SAV1: variants seen among roughly 807,000 people sequenced by gnomAD.
SAV1 encodes the protein protein salvador homolog 1.
A neutral mutation model predicts 47.3 loss-of-function variants in SAV1; 23 were observed. That is an observed-to-expected ratio of 0.49 (90% CI 0.35 to 0.69). The LOEUF is 0.69. Among genes scored for constraint, SAV1 ranks in the 30% least tolerant of loss-of-function variants. The probability of loss-of-function intolerance (pLI) is 0.01; values close to 1 mark genes in which losing one functional copy is unlikely to be tolerated. For synonymous variants in SAV1, 155 were observed against 159.2 expected (o/e 0.97, Z 0.20); for missense variants, 448 against 457.4 (o/e 0.98, Z 0.19).
At chr14:50,640,316 C>T (rs1164101763) in intron 4 of SAV1, among the ~76,000 whole-genome samples, 6 of 152,092 alleles carry the variant, frequency 3.9e-5, no homozygotes, top group Admixed American at 1.3e-4. Context: ...ATGGGGCTCT[C>T]GTTATGTTGC....
In SAV1 at chr14:50,666,350, T is replaced by C. The variant is rs368681904; in HGVS notation, c.95-731A>G. The stretch of plus-strand genomic sequence containing the variant: ...AACAGCTTTTAGGATACAGTACTTT[T>C]AAACACGAAACTTGAAAACAGCTTA... On this transcript the variant is annotated intron_variant, in intron 1 of 4. Transcript: ENST00000324679. 7.2e-5 allele frequency among the ~76,000 whole-genome samples: 11 copies of C among 152,336 alleles called. No homozygotes were observed. The South Asian group carries it at 2.1e-3, about 29-fold the overall frequency.
chr14:50,644,590 T>C (rs1389752493), intron 3 of SAV1, among the ~76,000 whole-genome samples, 154 bp downstream of exon 3: 1 of 152,164 alleles, frequency 6.6e-6, no homozygotes, highest in African/African-American at 2.4e-5. Context: ...CATTTATTAC[T>C]AAATGTATGT....
chr14:50,664,131 A>T (rs1286350120), intron 2 of SAV1: 3 of 152,192 alleles, frequency 2.0e-5, no homozygotes, highest in South Asian at 2.1e-4. Flanking sequence ...ATCACAAAGT[A>T]TAACAATTTT....
At position 50,634,507 on chromosome 14, in the gene SAV1, C is replaced by G. The variant is rs1316370174; in HGVS notation, c.*676G>C. 6.0e-6 allele frequency: 1 copy of G among 166,848 alleles called. No individual in the cohort carries two copies. The highest frequency in any genetic ancestry group is 1.7e-4 in the East Asian group (1 of 5,820). 10.3% of individuals were successfully genotyped at this position (166,848 alleles called of 1,614,324 possible). On this transcript the variant is annotated 3_prime_UTR_variant, in exon 5 of 5. Coordinates refer to ENST00000324679, the MANE Select transcript of SAV1 (RefSeq NM_021818.4). ...GGGACTAGAGGCACACACCATCATA[C>G]CCGGCTAATTTTTTTGTATTTTTTG...
At chr14:50,635,968 A>G (rs1206328950) in intron 4 of SAV1, among the ~76,000 whole-genome samples, 1 of 152,094 alleles carries the variant, frequency 6.6e-6, no homozygotes, top group East Asian at 1.9e-4. Context: ...CAGCCTCCCA[A>G]AGTGCTGGGA....
intron 2 of SAV1, among the ~76,000 whole-genome samples, chr14:50,661,160 TG>T (rs1331844135): frequency 6.6e-6 from 1 of 152,264 alleles, no homozygotes; most frequent in Non-Finnish European, 1.5e-5. Flanking sequence ...CCATTCTGAC[TG>T]GGGTAAGACA....
At chr14:50,656,562 C>A (rs574631678) in intron 2 of SAV1, among the ~76,000 whole-genome samples, 1 of 151,856 alleles carries the variant, frequency 6.6e-6, no homozygotes, top group South Asian at 2.1e-4. Context: ...CCTGCCTCAG[C>A]CTCCTGAGTA....
chr14:50,650,953 T>TG (rs1464188814), intron 2 of SAV1, among the ~76,000 whole-genome samples: 1 of 150,896 alleles, frequency 6.6e-6, no homozygotes, highest in East Asian at 1.9e-4. Flanking sequence ...ACCTGGGAGA[T>TG]GGAGGATGCA....
intron 2 of SAV1, among the ~76,000 whole-genome samples, chr14:50,655,082 T>C (rs1171529953): frequency 6.6e-6 from 1 of 152,120 alleles, no homozygotes. Flanking sequence ...TAAACTGCAA[T>C]TGAAAGTTTA....
At chr14:50,648,880 C>A (rs2039744683) in intron 2 of SAV1, among the ~76,000 whole-genome samples, 1 of 152,160 alleles carries the variant, frequency 6.6e-6, no homozygotes, top group Non-Finnish European at 1.5e-5. Context: ...GTTGGTGATA[C>A]TGGCTGAGCT....
At chr14:50,653,228 T>TA (rs1566744701) in intron 2 of SAV1, among the ~76,000 whole-genome samples, 2 of 151,936 alleles carry the variant, frequency 1.3e-5, no homozygotes, top group African/African-American at 4.8e-5. Context: ...TAAACATTAA[T>TA]AAAAAAATGA....
chr14:50,664,714 G>A (rs2039886294), intron 2 of SAV1: 1 of 152,606 alleles, frequency 6.6e-6, no homozygotes, highest in East Asian at 1.9e-4. Flanking sequence ...AAAAGGGCAG[G>A]ATCTAGCGAA....
chr14:50,635,845 G>A (rs1353074966), intron 4 of SAV1, among the ~76,000 whole-genome samples: 2 of 152,072 alleles, frequency 1.3e-5, no homozygotes, highest in Non-Finnish European at 2.9e-5. Flanking sequence ...AAGTAGCTGG[G>A]ATTACAGGCA....
intron 2 of SAV1, chr14:50,664,499 C>T (rs1330808854): frequency 1.3e-5 from 2 of 152,138 alleles, no homozygotes; most frequent in African/African-American, 4.8e-5. Flanking sequence ...TAGAATTGTA[C>T]ATTTCTCCCA....
In SAV1 at chr14:50,634,505, T is replaced by G. The variant is rs1216593287; in HGVS notation, c.*678A>C. On this transcript the variant is annotated 3_prime_UTR_variant, in exon 5 of 5. Transcript: ENST00000324679. ...CTGGGACTAGAGGCACACACCATCA[T>G]ACCCGGCTAATTTTTTTGTATTTTT... The G allele has an allele frequency of 5.9e-6, 1 of 168,212 alleles. No homozygotes were observed. Among genetic ancestry groups the G allele is most frequent in the Non-Finnish European group, 1.3e-5 (1 of 77,948 alleles). The allele number at this position is 168,212 out of a possible 1,614,324, so 10.4% of individuals were successfully genotyped here.
rs141249536 is a variant in SAV1, at chr14:50,660,389, ACT to A, written c.535+4788_535+4789del. 9.4e-4 allele frequency among the ~76,000 whole-genome samples: 142 copies of A among 151,628 alleles called. 6 individuals are homozygous for A. The East Asian group carries it at 0.024, about 26-fold the overall frequency. ...TACTCAGCTGCCTTGCAATAATTAA[ACT>A]CTTTCTTCTTTACAGTATCTGCTGT... On this transcript the variant is annotated intron_variant, in intron 2 of 4. Coordinates refer to ENST00000324679, the MANE Select transcript of SAV1 (RefSeq NM_021818.4).
Position 50,635,179 on chromosome 14 carries a change from C to T in SAV1, c.*4G>A. The stretch of plus-strand genomic sequence containing the variant: ...TACAAAACTTAAATTTTTAAAAAAT[C>T]AGCTCAAAAATTTTTTCCATGTTGT... On this transcript the variant is annotated 3_prime_UTR_variant, in exon 5 of 5. Coordinates refer to ENST00000324679, the MANE Select transcript of SAV1 (RefSeq NM_021818.4). 1 of 1,608,774 alleles carries T rather than the reference C, an allele frequency of 6.2e-7. No individual in the cohort carries two copies. Among genetic ancestry groups the T allele is most frequent in the Non-Finnish European group, 8.5e-7 (1 of 1,178,090 alleles).
chr14:50,650,439 G>A (rs2039758288), intron 2 of SAV1, among the ~76,000 whole-genome samples: 1 of 152,208 alleles, frequency 6.6e-6, no homozygotes, highest in South Asian at 2.1e-4. Context: ...ATACATATAT[G>A]TAGTAGCCAG....
intron 2 of SAV1, among the ~76,000 whole-genome samples, chr14:50,649,675 G>A (rs2039751392): frequency 6.6e-6 from 1 of 152,100 alleles, no homozygotes. Context: ...GACAGTATGT[G>A]GTTCATACTA....
Sources: gnomAD v4.1 joint callset for allele counts (sites outside exome capture counted in the v4.1 genomes callset) on GRCh38, gnomAD v4.1.1 for gene constraint, MANE v1.5 for transcripts, NCBI Gene and HGNC (gene_info 2026-07-23, HGNC 2026-07-21) for gene names.